TPO: variants seen among roughly 807,000 people sequenced by gnomAD.
TPO encodes thyroid microsomal antigen.
TPO carries 78 observed loss-of-function variants against 96.9 expected under a neutral mutation model. The ratio of observed to expected loss-of-function variants is 0.81; its 90% CI spans 0.67 to 0.97. The LOEUF is 0.97. Ranked by LOEUF, TPO falls within the 50% of genes least tolerant of loss-of-function variation. The pLI, the probability that TPO is intolerant of heterozygous loss-of-function variation, is 0.00. For synonymous variants in TPO, 547 were observed against 538.0 expected, an observed-to-expected ratio of 1.02 and a Z score of -0.23; for missense variants, 1,252 against 1,274.8, an observed-to-expected ratio of 0.98 and a Z score of 0.27.
At chr2:1,518,989 A>G (rs372545168) in intron 15 of TPO, among the ~76,000 whole-genome samples, 1 of 152,180 alleles carries the variant, frequency 6.6e-6, no homozygotes, top group Non-Finnish European at 1.5e-5. Flanking sequence ...TCTAGAAAGA[A>G]GAGTTTGGAC....
chr2:1,534,553 A>G (rs150616075), intron 15 of TPO, among the ~76,000 whole-genome samples: 553 of 33,864 alleles, frequency 0.016, 64 homozygotes, highest in Middle Eastern at 0.029. Flanking sequence ...CCAAATCCCT[A>G]CCACTCTGTG....
chr2:1,416,446 GT>G (rs1573087747), intron 2 of TPO, among the ~76,000 whole-genome samples: 1 of 152,210 alleles, frequency 6.6e-6, no homozygotes, highest in African/African-American at 2.4e-5. Flanking sequence ...TTTGTAACAT[GT>G]TTTTTAATTT....
intron 15 of TPO, among the ~76,000 whole-genome samples, chr2:1,523,048 A>AC (rs1675532267): frequency 3.5e-5 from 1 of 28,292 alleles, no homozygotes; most frequent in African/African-American, 1.4e-4. Context: ...AAATCTCCCC[A>AC]ACTGTGTGCA....
rs1477417940 is a variant in TPO, at chr2:1,543,565, CTGT to C, written c.*1096_*1098del. On this transcript the variant is annotated 3_prime_UTR_variant, in exon 17 of 17. Coordinates refer to ENST00000329066, the MANE Select transcript of TPO (RefSeq NM_001206744.2). ...ACTTTTGTGACCCAAAAATACCAGACTGTTGTTTTCCCTAGGTGCCAGGCCATC... is the reference window on the plus strand; with the variant it reads ...ACTTTTGTGACCCAAAAATACCAGACTGTTTTCCCTAGGTGCCAGGCCATC... 6 of 152,168 alleles carry C rather than the reference CTGT, an allele frequency of 3.9e-5. No homozygotes were observed. Among genetic ancestry groups the C allele is most frequent in the Non-Finnish European group, 7.3e-5 (5 of 68,044 alleles). 9.4% of individuals were successfully genotyped at this position (152,168 alleles called of 1,614,324 possible). A position where few individuals can be genotyped will look rare whatever the true frequency, so the allele number is the denominator to read the frequency against.
intron 1 of TPO, among the ~76,000 whole-genome samples, chr2:1,394,634 G>A (rs1182677079): frequency 6.6e-6 from 1 of 152,224 alleles, no homozygotes; most frequent in South Asian, 2.1e-4. Flanking sequence ...ACAGGCAAAT[G>A]CAAACGTGAG....
chr2:1,448,706 T>G (rs1414669546), intron 5 of TPO, among the ~76,000 whole-genome samples: 2 of 152,268 alleles, frequency 1.3e-5, no homozygotes, highest in East Asian at 3.9e-4. Flanking sequence ...GGTAAATGGC[T>G]GGAGATTGAT....
chr2:1,508,213 C>G (rs1477060723), intron 14 of TPO, among the ~76,000 whole-genome samples: 1 of 152,068 alleles, frequency 6.6e-6, no homozygotes, highest in Admixed American at 6.5e-5. Flanking sequence ...GTTGAACCAG[C>G]CTTGCATCCC....
At chr2:1,452,777 A>T (rs1180522825) in intron 5 of TPO, among the ~76,000 whole-genome samples, 1 of 152,228 alleles carries the variant, frequency 6.6e-6, no homozygotes, top group Non-Finnish European at 1.5e-5. Context: ...ATTAGTTACC[A>T]ATCTTTAGTC....
rs1466621599 is a variant in TPO, at chr2:1,542,561, C to T, written c.*87C>T. 1.9e-6 allele frequency: 3 copies of T among 1,587,092 alleles called. No individual in the cohort carries two copies. The African/African-American group carries it at 4.0e-5, about 21-fold the overall frequency. ...TTCCAAACACAGGCAAATCCGAAAT[C>T]AGCAGGACGACTGTTTTCCCAACAC... On this transcript the variant is annotated 3_prime_UTR_variant, in exon 17 of 17. Coordinates refer to ENST00000329066, the MANE Select transcript of TPO (RefSeq NM_001206744.2).
chr2:1,419,750 C>T (rs1229894480), intron 2 of TPO, among the ~76,000 whole-genome samples: 1 of 152,188 alleles, frequency 6.6e-6, no homozygotes, highest in Non-Finnish European at 1.5e-5. Flanking sequence ...TGCTGAGGGG[C>T]TGTGCAGCAG....
intron 1 of TPO, among the ~76,000 whole-genome samples, chr2:1,385,711 A>C (rs1477559526): frequency 1.3e-5 from 2 of 149,710 alleles, no homozygotes; most frequent in Non-Finnish European, 3.0e-5. Flanking sequence ...GTCTCTATCT[A>C]CTTCAGTTCT....
intron 10 of TPO, among the ~76,000 whole-genome samples, chr2:1,491,249 T>C (rs1209800491): frequency 6.6e-6 from 1 of 152,164 alleles, no homozygotes; most frequent in East Asian, 1.9e-4. Context: ...TAAAGTGATG[T>C]TCTTTCTTCC....
intron 5 of TPO, among the ~76,000 whole-genome samples, chr2:1,440,209 C>A (rs28620935): frequency 0.29 from 43,227 of 151,496 alleles, 6,637 homozygotes; most frequent in South Asian, 0.39. Flanking sequence ...CATTCCAAAG[C>A]GACCTTTGGG....
intron 7 of TPO, among the ~76,000 whole-genome samples, chr2:1,462,471 G>A (rs1172726100): frequency 6.6e-6 from 1 of 151,624 alleles, no homozygotes; most frequent in Admixed American, 6.6e-5. Flanking sequence ...AACACCCGAT[G>A]TGAACAAGAA....
intron 1 of TPO, among the ~76,000 whole-genome samples, chr2:1,391,912 G>T (rs531759958): frequency 7.2e-5 from 11 of 152,088 alleles, no homozygotes; most frequent in East Asian, 3.9e-4. Context: ...AAGGAGATTT[G>T]GGGCTGAGAC....
At chr2:1,463,313 C>G (rs1003806568) in intron 7 of TPO, among the ~76,000 whole-genome samples, 4 of 152,220 alleles carry the variant, frequency 2.6e-5, no homozygotes, top group South Asian at 2.1e-4. Flanking sequence ...AAAAATATAC[C>G]GTATACTCTA....
chr2:1,441,440 T>C (rs751859457), intron 5 of TPO, among the ~76,000 whole-genome samples: 2 of 152,200 alleles, frequency 1.3e-5, no homozygotes, highest in Non-Finnish European at 2.9e-5. Context: ...CCTTTAAACA[T>C]TTTAGAATCT....
intron 7 of TPO, among the ~76,000 whole-genome samples, chr2:1,463,013 C>T (rs780358405): frequency 6.6e-6 from 1 of 152,126 alleles, no homozygotes; most frequent in Non-Finnish European, 1.5e-5. Context: ...CATTATTGAG[C>T]ATATATTATC....
Position 1,533,947 on chromosome 2 carries a change from C to T in TPO, c.2619-6647C>T, listed in dbSNP as rs1351754217. ...CATAAATCCAACCAAATGTATGCAA[C>T]CTCCTCAAATCCCCACCACTCTGTG... On this transcript the variant is annotated intron_variant, in intron 15 of 16. Coordinates refer to ENST00000329066, the MANE Select transcript of TPO (RefSeq NM_001206744.2). Among the ~76,000 whole-genome samples the T allele has an allele frequency of 5.0e-5, 5 of 100,284 alleles. 1 individual carries two copies. The highest frequency in any genetic ancestry group is 1.0e-4 in the Non-Finnish European group (5 of 47,794). 65.8% of individuals were successfully genotyped at this position (100,284 alleles called of 152,430 possible).
Sources: gnomAD v4.1 joint callset for allele counts (sites outside exome capture counted in the v4.1 genomes callset) on GRCh38, gnomAD v4.1.1 for gene constraint, MANE v1.5 for transcripts, NCBI Gene and HGNC (gene_info 2026-07-23, HGNC 2026-07-21) for gene names.